The following PARVA variants were observed in gnomAD, a reference collection of about 807,000 sequenced individuals.
The protein encoded by PARVA is parvin alpha.
Under a neutral mutation model 52.6 loss-of-function variants are expected in PARVA, and 25 were observed. That is an observed-to-expected ratio of 0.48 (90% confidence interval 0.35 to 0.66). The LOEUF is 0.66. Ranked by LOEUF, PARVA falls within the 30% of genes least tolerant of loss-of-function variation. The pLI, the probability that PARVA is intolerant of heterozygous loss-of-function variation, is 0.01. For missense variants in PARVA, 373 were observed against 450.9 expected (o/e 0.83, Z 1.56); for synonymous variants, 185 against 179.1 (o/e 1.03, Z -0.26).
intron 1 of PARVA, among the ~76,000 whole-genome samples, chr11:12,380,348 A>G (rs1939466892): frequency 1.3e-5 from 2 of 150,706 alleles, no homozygotes; most frequent in African/African-American, 5.0e-5. Context: ...GGACAAGGGA[A>G]GCAAATTGGA....
rs188452168 is a variant in PARVA, at chr11:12,531,462, G to A, written c.*3537G>A. Among the ~76,000 whole-genome samples the A allele has an allele frequency of 1.4e-4, 21 of 152,154 alleles. No homozygotes were observed. The highest frequency in any genetic ancestry group is 7.2e-4 in the Admixed American group (11 of 15,278). ...GACTCTGAGACATGTATACATTGTG[G>A]TTCAAATAGGAATCATCCATAGTCC... On this transcript the variant is annotated 3_prime_UTR_variant, in exon 13 of 13. Coordinates refer to ENST00000334956, the MANE Select transcript of PARVA (RefSeq NM_018222.5).
chr11:12,491,082 G>A (rs1589978339), intron 4 of PARVA, among the ~76,000 whole-genome samples: 1 of 152,136 alleles, frequency 6.6e-6, no homozygotes, highest in South Asian at 2.1e-4. Context: ...TAAGTTGGTA[G>A]AAGTGAATCC....
intron 4 of PARVA, among the ~76,000 whole-genome samples, chr11:12,487,927 G>A (rs377376588): frequency 4.1e-4 from 62 of 152,282 alleles, no homozygotes; most frequent in African/African-American, 1.5e-3. Context: ...CCATGGAAAG[G>A]AGACAGTTTT....
intron 6 of PARVA, among the ~76,000 whole-genome samples, chr11:12,508,121 AACC>A (rs1225824441): frequency 8.2e-6 from 1 of 121,296 alleles, no homozygotes; most frequent in Non-Finnish European, 1.7e-5. Context: ...AAAAAAAAAA[AACC>A]AAAAAAAAAA....
intron 5 of PARVA, among the ~76,000 whole-genome samples, chr11:12,503,739 AAAAG>A (rs1336885359): frequency 6.6e-6 from 1 of 152,100 alleles, no homozygotes; most frequent in Non-Finnish European, 1.5e-5. Context: ...GCTTCAAAAA[AAAAG>A]AAAGATTTGA....
chr11:12,427,169 TATA>T (rs1285834098), intron 1 of PARVA, among the ~76,000 whole-genome samples: 1 of 152,122 alleles, frequency 6.6e-6, no homozygotes, highest in Non-Finnish European at 1.5e-5. Context: ...AGAAAGGAAA[TATA>T]ATTATTATAA....
At position 12,530,214 on chromosome 11, in the gene PARVA, A is replaced by G. The variant is rs1941755138; in HGVS notation, c.*2289A>G. The G allele has an allele frequency of 6.6e-6, 1 of 152,176 alleles. No individual in the cohort carries two copies. Among genetic ancestry groups the G allele is most frequent in the African/African-American group, 2.4e-5 (1 of 41,432 alleles). The allele number at this position is 152,176 out of a possible 1,614,324, so 9.4% of individuals were successfully genotyped here. ...ATCAGAAAATTGTGTTTTGGGATTG[A>G]GTTCTTTGTCTCAGCCCAGAATCCC... On this transcript the variant is annotated 3_prime_UTR_variant, in exon 13 of 13. Coordinates refer to ENST00000334956, the MANE Select transcript of PARVA (RefSeq NM_018222.5).
intron 1 of PARVA, among the ~76,000 whole-genome samples, chr11:12,464,495 G>A (rs145277850): frequency 1.9e-4 from 29 of 152,250 alleles, no homozygotes; most frequent in Admixed American, 7.2e-4. Flanking sequence ...CTAGAGTGCC[G>A]TGCCTAAATG....
intron 1 of PARVA, among the ~76,000 whole-genome samples, chr11:12,414,379 G>A (rs1026097975): frequency 6.6e-5 from 10 of 151,498 alleles, no homozygotes; most frequent in Admixed American, 4.6e-4. Context: ...GTTTAAATGC[G>A]AAACTTTTGT....
intron 1 of PARVA, among the ~76,000 whole-genome samples, chr11:12,409,391 G>A (rs148533675): frequency 3.3e-5 from 5 of 152,304 alleles, no homozygotes; most frequent in African/African-American, 9.6e-5. Flanking sequence ...GGAATTGTAG[G>A]TATGTTATCT....
At chr11:12,423,172 C>T (rs1370256047) in intron 1 of PARVA, among the ~76,000 whole-genome samples, 3 of 149,466 alleles carry the variant, frequency 2.0e-5, no homozygotes, top group Non-Finnish European at 4.4e-5. Flanking sequence ...TGTTACTTTT[C>T]ATTAAGGAGA....
At chr11:12,520,655 C>T (rs1037323431) in intron 12 of PARVA, among the ~76,000 whole-genome samples, 1 of 152,098 alleles carries the variant, frequency 6.6e-6, no homozygotes. Context: ...ACCAGTGGAG[C>T]AGTCGAAATA....
chr11:12,461,377 G>A (rs1478734013), intron 1 of PARVA, among the ~76,000 whole-genome samples: 1 of 152,204 alleles, frequency 6.6e-6, no homozygotes, highest in African/African-American at 2.4e-5. Flanking sequence ...GACACACACA[G>A]ATGCACACCC....
At chr11:12,393,157 A>C (rs1245091038) in intron 1 of PARVA, among the ~76,000 whole-genome samples, 2 of 151,132 alleles carry the variant, frequency 1.3e-5, no homozygotes, top group African/African-American at 4.8e-5. Flanking sequence ...TTTTCAAATA[A>C]TACTACTGTT....
At chr11:12,397,513 A>G (rs1394915900) in intron 1 of PARVA, among the ~76,000 whole-genome samples, 1 of 152,218 alleles carries the variant, frequency 6.6e-6, no homozygotes, top group Non-Finnish European at 1.5e-5. Flanking sequence ...GCTGGATTTT[A>G]CCATATTGCT....
intron 1 of PARVA, among the ~76,000 whole-genome samples, chr11:12,446,006 T>C (rs1185441486): frequency 1.3e-5 from 2 of 151,766 alleles, no homozygotes; most frequent in African/African-American, 4.8e-5. Flanking sequence ...ATTGAAGAAA[T>C]TATCAGTGAC....
chr11:12,383,816 G>C (rs1310434803), intron 1 of PARVA, among the ~76,000 whole-genome samples: 1 of 152,086 alleles, frequency 6.6e-6, no homozygotes, highest in Non-Finnish European at 1.5e-5. Context: ...TCTCAAAAAA[G>C]TTTCTAATAC....
At chr11:12,395,105 A>AG (rs1555030348) in intron 1 of PARVA, among the ~76,000 whole-genome samples, 1 of 148,914 alleles carries the variant, frequency 6.7e-6, no homozygotes, top group Admixed American at 6.6e-5. Flanking sequence ...AAAAAAAAAA[A>AG]AAAGAAAGAA....
At chr11:12,521,865 C>T (rs569299857) in intron 12 of PARVA, among the ~76,000 whole-genome samples, 2 of 152,212 alleles carry the variant, frequency 1.3e-5, no homozygotes, top group Admixed American at 6.5e-5. Flanking sequence ...TGCCTTATGG[C>T]CACCTAACTT....
Sources: allele counts gnomAD v4.1 joint callset (sites outside exome capture counted in the v4.1 genomes callset), GRCh38; gene constraint gnomAD v4.1.1; transcripts MANE v1.5; gene names NCBI Gene and HGNC (gene_info 2026-07-23, HGNC 2026-07-21).